MAP3K20: variants seen among roughly 807,000 people sequenced by gnomAD.
MAP3K20 encodes the protein mitogen-activated protein kinase kinase kinase 20, also known as HCCS-4.
In MAP3K20, 40 loss-of-function variants were observed where a neutral mutation model predicts 85.7. That is an observed-to-expected ratio of 0.47 (90% CI 0.36 to 0.61). The LOEUF (loss-of-function observed/expected upper bound fraction) is 0.61, where lower values mean the gene tolerates loss of function less well. Among genes scored for constraint, MAP3K20 ranks in the 20% least tolerant of loss-of-function variants. The probability of loss-of-function intolerance (pLI) is 0.00; values close to 1 mark genes in which losing one functional copy is unlikely to be tolerated. For missense variants in MAP3K20, 817 were observed against 961.7 expected (o/e 0.85, Z 1.99); for synonymous variants, 325 against 327.7 (o/e 0.99, Z 0.09).
intron 9 of MAP3K20, 180 bp from the exon 10 acceptor site, chr2:173,209,549 T>TAG (rs1683808298): frequency 6.1e-6 from 3 of 494,298 alleles, no homozygotes; most frequent in African/African-American, 5.8e-5. Flanking sequence ...AAATAAAGAA[T>TAG]AGAGCTCCCT....
intron 11 of MAP3K20, among the ~76,000 whole-genome samples, chr2:173,228,552 A>G (rs77322055): frequency 0.08 from 12,253 of 152,244 alleles, 595 homozygotes; most frequent in Middle Eastern, 0.15. Flanking sequence ...ATTCTTTAAA[A>G]TGACTCAACA....
At chr2:173,077,463 A>G (rs1208587755) in intron 1 of MAP3K20, among the ~76,000 whole-genome samples, 1 of 151,494 alleles carries the variant, frequency 6.6e-6, no homozygotes, top group African/African-American at 2.4e-5. Flanking sequence ...AATTCCTGCT[A>G]CTATAGTGAG....
intron 16 of MAP3K20, among the ~76,000 whole-genome samples, chr2:173,258,136 C>A (rs1460502290): frequency 6.6e-6 from 1 of 152,162 alleles, no homozygotes; most frequent in Non-Finnish European, 1.5e-5. Context: ...AGTCCCTCAC[C>A]CACCCCATAA....
chr2:173,126,427 T>A (rs1264684903), intron 2 of MAP3K20, among the ~76,000 whole-genome samples: 1 of 152,194 alleles, frequency 6.6e-6, no homozygotes, highest in Non-Finnish European at 1.5e-5. Context: ...TCACCCAGGC[T>A]GGAATGCAGT....
chr2:173,253,679 TGA>T (rs1685092618), intron 16 of MAP3K20, among the ~76,000 whole-genome samples: 1 of 152,178 alleles, frequency 6.6e-6, no homozygotes, highest in Admixed American at 6.5e-5. Flanking sequence ...TGTTTGCTTT[TGA>T]GAGTTGTTCA....
At chr2:173,126,109 A>G (rs1322281972) in intron 2 of MAP3K20, among the ~76,000 whole-genome samples, 1 of 152,230 alleles carries the variant, frequency 6.6e-6, no homozygotes, top group Non-Finnish European at 1.5e-5. Context: ...TTATGGGACT[A>G]TAACATGTTT....
At chr2:173,155,177 G>A (rs1321507780) in intron 2 of MAP3K20, among the ~76,000 whole-genome samples, 1 of 152,126 alleles carries the variant, frequency 6.6e-6, no homozygotes, top group Non-Finnish European at 1.5e-5. Context: ...AGAAAGAAAG[G>A]CGTAGGTGTA....
At chr2:173,203,375 T>C (rs1459970184) in intron 8 of MAP3K20, among the ~76,000 whole-genome samples, 1 of 152,198 alleles carries the variant, frequency 6.6e-6, no homozygotes. Flanking sequence ...GCTCAGATGT[T>C]TTCAGAGTTG....
chr2:173,251,335 GGGA>G (rs1685037457), intron 16 of MAP3K20, among the ~76,000 whole-genome samples: 1 of 152,062 alleles, frequency 6.6e-6, no homozygotes, highest in South Asian at 2.1e-4. Context: ...CATGGTTTTG[GGGA>G]GTGGTGGTGG....
rs1032079692 is a variant in MAP3K20 at position 173,196,791 on chromosome 2, C to G, written c.583-1235C>G. ...GTCGAAGCCACTGGTTCTCTTCCTG[C>G]TTCTCCCAGGGCGCCATACCTAAGA... is the stretch of plus-strand genomic sequence containing the variant. On this transcript the variant is annotated intron_variant, in intron 7 of 19. Transcript: ENST00000375213. Among the ~76,000 whole-genome samples, 5 of 152,164 alleles carry G rather than the reference C, an allele frequency of 3.3e-5. No individual in the cohort carries two copies. The East Asian group carries it at 7.7e-4, about 23-fold the overall frequency.
chr2:173,214,890 A>G lies in MAP3K20; in HGVS notation c.852-2225A>G, dbSNP rs570325889. On this transcript the variant is annotated intron_variant, in intron 10 of 19. Transcript: ENST00000375213. ...AGCAGCTGTTTTTTTTGTCATCTCC[A>G]GGTTGGGGTTACATCTCTAATGGCA... Among the ~76,000 whole-genome samples, 17 of 152,296 alleles carry G rather than the reference A, an allele frequency of 1.1e-4. No individual in the cohort carries two copies. In the East Asian group the frequency reaches 3.3e-3, roughly 29 times the overall value.
In MAP3K20 at chr2:173,263,931, T is replaced by G. The variant is rs376523280; in HGVS notation, c.1702+36T>G. 1.8e-5 allele frequency: 29 copies of G among 1,572,338 alleles called. No homozygotes were observed. The African/African-American group carries it at 3.8e-4, about 21-fold the overall frequency. On this transcript the variant is annotated intron_variant, in intron 19 of 19. Coordinates refer to ENST00000375213, the MANE Select transcript of MAP3K20 (RefSeq NM_016653.3). ...GTTCCCGTATTAGATGTGTGCTAGA[T>G]TCCAGAAACTTAATTATGACATTTC...
intron 2 of MAP3K20, among the ~76,000 whole-genome samples, chr2:173,149,185 A>C (rs957419470): frequency 5.3e-5 from 8 of 152,234 alleles, no homozygotes; most frequent in African/African-American, 1.9e-4. Flanking sequence ...AATGCATAAG[A>C]ATAGTAAAGT....
intron 9 of MAP3K20, 89 bp from the exon 10 acceptor site, chr2:173,209,640 T>G: frequency 9.4e-7 from 1 of 1,067,466 alleles, no homozygotes; most frequent in Non-Finnish European, 1.4e-6. Context: ...TGGGTTGAGT[T>G]TATTACTATG....
intron 2 of MAP3K20, among the ~76,000 whole-genome samples, chr2:173,122,635 G>C (rs1245815945): frequency 1.3e-5 from 2 of 152,152 alleles, no homozygotes; most frequent in African/African-American, 4.8e-5. Flanking sequence ...CCATTGTGGT[G>C]ACGTAATGGC....
chr2:173,206,878 A>G (rs942540274), intron 9 of MAP3K20, among the ~76,000 whole-genome samples: 1 of 152,120 alleles, frequency 6.6e-6, no homozygotes, highest in Non-Finnish European at 1.5e-5. Context: ...TAGCAATTCA[A>G]CCAGAAGTTA....
intron 2 of MAP3K20, among the ~76,000 whole-genome samples, chr2:173,142,710 C>T (rs1689012886): frequency 6.6e-6 from 1 of 151,662 alleles, no homozygotes; most frequent in African/African-American, 2.4e-5. Flanking sequence ...ATTGTTAAAA[C>T]AAAGACAGGA....
At chr2:173,181,525 T>C (rs1389535939) in intron 3 of MAP3K20, among the ~76,000 whole-genome samples, 2 of 152,122 alleles carry the variant, frequency 1.3e-5, no homozygotes, top group Admixed American at 6.5e-5. Flanking sequence ...ACCTGCAATA[T>C]CAGTCCCTGA....
intron 2 of MAP3K20, among the ~76,000 whole-genome samples, chr2:173,144,462 C>CAA (rs71018537): frequency 4.3e-4 from 40 of 92,878 alleles, no homozygotes; most frequent in African/African-American, 7.1e-4. Context: ...GACTCCGTCT[C>CAA]AAAAAAAAAA....
Sources: gnomAD v4.1 joint callset for allele counts (sites outside exome capture counted in the v4.1 genomes callset) on GRCh38, gnomAD v4.1.1 for gene constraint, MANE v1.5 for transcripts, NCBI Gene and HGNC (gene_info 2026-07-23, HGNC 2026-07-21) for gene names.